KAT6B: variants seen among roughly 807,000 people sequenced by gnomAD.
KAT6B encodes the protein histone acetyltransferase KAT6B.
A neutral mutation model predicts 187.5 loss-of-function variants in KAT6B; 10 were observed. That is an observed-to-expected ratio of 0.05 (90% CI 0.03 to 0.09). The LOEUF (loss-of-function observed/expected upper bound fraction) is 0.09, where lower values mean the gene tolerates loss of function less well. Among genes scored for constraint, KAT6B ranks in the 10% least tolerant of loss-of-function variants. The pLI is 1.00. For missense variants in KAT6B, 1,952 were observed against 2,558.9 expected, an observed-to-expected ratio of 0.76 and a Z score of 5.12; for synonymous variants, 861 against 926.8, an observed-to-expected ratio of 0.93 and a Z score of 1.29.
At chr10:74,909,422 T>C (rs1847031830) in intron 3 of KAT6B, among the ~76,000 whole-genome samples, 1 of 152,220 alleles carries the variant, frequency 6.6e-6, no homozygotes. Context: ...CTTATATCTA[T>C]TTTAGGGTTT....
intron 3 of KAT6B, among the ~76,000 whole-genome samples, chr10:74,917,273 T>A (rs1454471063): frequency 6.6e-6 from 1 of 152,190 alleles, no homozygotes; most frequent in Non-Finnish European, 1.5e-5. Flanking sequence ...GATAACCACT[T>A]ATATAACCAT....
intron 3 of KAT6B, among the ~76,000 whole-genome samples, chr10:74,909,254 C>T (rs1847020338): frequency 6.6e-6 from 1 of 152,144 alleles, no homozygotes; most frequent in Admixed American, 6.6e-5. Flanking sequence ...GCCTGTAATC[C>T]CAGCTACTTG....
rs1483845554 is a variant in KAT6B, at chr10:75,028,469, G to A, written c.3665-20G>A. On this transcript the variant is annotated intron_variant, in intron 17 of 17. Coordinates refer to ENST00000287239, the MANE Select transcript of KAT6B (RefSeq NM_012330.4). ...TCTAAGACTGTTTTTTTTCCTTCCC[G>A]TTTTTGTCTCTTCACTAAGACAATA... 1.6e-5 allele frequency: 25 copies of A among 1,612,752 alleles called. No individual in the cohort carries two copies. The highest frequency in any genetic ancestry group is 1.1e-4 in the South Asian group (10 of 90,924).
chr10:74,856,745 A>C (rs1465075311), intron 3 of KAT6B, among the ~76,000 whole-genome samples: 3 of 151,978 alleles, frequency 2.0e-5, no homozygotes, highest in Non-Finnish European at 4.4e-5. Flanking sequence ...CAGAAAATAC[A>C]AAAAAATCAG....
intron 1 of KAT6B, chr10:74,827,257 G>C (rs1840337496): frequency 1.3e-5 from 2 of 153,468 alleles, no homozygotes; most frequent in Middle Eastern, 3.4e-3. Context: ...GGACCGAGGG[G>C]TGTGTGAGGG....
chr10:75,027,387 G>C (rs1401347568), intron 17 of KAT6B, among the ~76,000 whole-genome samples: 1 of 152,132 alleles, frequency 6.6e-6, no homozygotes. Context: ...AGTTGGACTA[G>C]AACTCACTCT....
At chr10:75,018,482 C>T (rs1377842081) in intron 13 of KAT6B, among the ~76,000 whole-genome samples, 1 of 152,210 alleles carries the variant, frequency 6.6e-6, no homozygotes, top group East Asian at 1.9e-4. Context: ...TAGGCTCAGG[C>T]CCTGACAGGG....
At chr10:74,881,582 A>G (rs1218886816) in intron 3 of KAT6B, among the ~76,000 whole-genome samples, 1 of 152,178 alleles carries the variant, frequency 6.6e-6, no homozygotes, top group Non-Finnish European at 1.5e-5. Context: ...AAACAATTGC[A>G]TGTTGTCTCA....
At chr10:75,009,894 G>A (rs995796727) in intron 13 of KAT6B, among the ~76,000 whole-genome samples, 3 of 152,138 alleles carry the variant, frequency 2.0e-5, no homozygotes, top group African/African-American at 7.2e-5. Flanking sequence ...CCAGCTACTC[G>A]GGAGGCTGAG....
chr10:75,002,019 C>T (rs1016103793), intron 13 of KAT6B, among the ~76,000 whole-genome samples: 15 of 152,192 alleles, frequency 9.9e-5, no homozygotes, highest in Non-Finnish European at 1.8e-4. Flanking sequence ...GCCGTCTCTG[C>T]ACCGTGTGGT....
intron 13 of KAT6B, among the ~76,000 whole-genome samples, chr10:75,001,714 A>G (rs1843845873): frequency 6.6e-6 from 1 of 152,186 alleles, no homozygotes; most frequent in African/African-American, 2.4e-5. Flanking sequence ...TTAAGTAGAG[A>G]CTAAGTGGTT....
At chr10:74,844,279 A>G (rs982667766) in intron 3 of KAT6B, among the ~76,000 whole-genome samples, 5 of 151,564 alleles carry the variant, frequency 3.3e-5, no homozygotes, top group African/African-American at 9.7e-5. Context: ...GCTCACTGCA[A>G]CCTCTGCCTC....
intron 3 of KAT6B, among the ~76,000 whole-genome samples, chr10:74,915,964 A>G (rs898412382): frequency 2.0e-5 from 3 of 152,128 alleles, no homozygotes; most frequent in Non-Finnish European, 4.4e-5. Context: ...CAGGAGTTTG[A>G]GAATAGCCTG....
At chr10:74,849,805 A>G (rs1279461747) in intron 3 of KAT6B, among the ~76,000 whole-genome samples, 2 of 152,244 alleles carry the variant, frequency 1.3e-5, no homozygotes, top group African/African-American at 4.8e-5. Flanking sequence ...TACAGATGAA[A>G]AAATGAGGCT....
rs113594769 is a variant in KAT6B at position 74,886,187 on chromosome 10, C to T, written c.621+42709C>T. The stretch of plus-strand genomic sequence containing the variant: ...TTTACATCAGGGGAACATTAGGTTA[C>T]ATTTGGCTCTGACAGGCAAGATTAA... On this transcript the variant is annotated intron_variant, in intron 3 of 17. Coordinates refer to ENST00000287239, the MANE Select transcript of KAT6B (RefSeq NM_012330.4). 1.1e-3 allele frequency among the ~76,000 whole-genome samples: 169 copies of T among 152,310 alleles called. 5 individuals are homozygous for T. The highest frequency in any genetic ancestry group is 3.8e-3 in the African/African-American group (160 of 41,566).
In KAT6B at chr10:74,876,854, A is replaced by G. The variant is rs1844451550; in HGVS notation, c.621+33376A>G. 2.0e-5 allele frequency among the ~76,000 whole-genome samples: 3 copies of G among 151,958 alleles called. No individual in the cohort carries two copies. In the South Asian group the frequency reaches 6.3e-4, roughly 32 times the overall value. ...CTTGAACCTGGGAGACTGAGGCTGC[A>G]GTGAGCTCAGATCGCACCATTGCAC... On this transcript the variant is annotated intron_variant, in intron 3 of 17. Coordinates refer to ENST00000287239, the MANE Select transcript of KAT6B (RefSeq NM_012330.4).
rs555449772 is a variant in KAT6B at position 74,990,734 on chromosome 10, G to A, written c.2629+1622G>A. ...ACCATTTATCTTGTTCTCTAGTTTT[G>A]TGTGGCTACCATTCATAAGTAGTTC... On this transcript the variant is annotated intron_variant, in intron 13 of 17. Coordinates refer to ENST00000287239, the MANE Select transcript of KAT6B (RefSeq NM_012330.4). Among the ~76,000 whole-genome samples, 94 of 152,224 alleles carry A rather than the reference G, an allele frequency of 6.2e-4. No homozygotes were observed. The Middle Eastern group carries it at 0.014, about 22-fold the overall frequency.
intron 17 of KAT6B, chr10:75,025,552 C>A: frequency 3.1e-6 from 1 of 322,110 alleles, no homozygotes; most frequent in South Asian, 4.2e-5. Context: ...CATTACATTT[C>A]TTTGATTCTA....
At chr10:74,834,703 A>C (rs1373116113) in intron 1 of KAT6B, among the ~76,000 whole-genome samples, 1 of 151,106 alleles carries the variant, frequency 6.6e-6, no homozygotes, top group Non-Finnish European at 1.5e-5. Flanking sequence ...TTATTTTTGT[A>C]GAGGTAGGGT....
Sources: allele counts gnomAD v4.1 joint callset (sites outside exome capture counted in the v4.1 genomes callset), GRCh38; gene constraint gnomAD v4.1.1; transcripts MANE v1.5; gene names NCBI Gene and HGNC (gene_info 2026-07-23, HGNC 2026-07-21).